UBQLN1: variants seen among roughly 807,000 people sequenced by gnomAD.
UBQLN1 encodes the protein ubiquilin-1.
A neutral mutation model predicts 65.4 loss-of-function variants in UBQLN1; 13 were observed. That is an observed-to-expected ratio of 0.20 (90% CI 0.13 to 0.32). The LOEUF (loss-of-function observed/expected upper bound fraction) is 0.32, where lower values mean the gene tolerates loss of function less well. Ranked by LOEUF, UBQLN1 falls within the 10% of genes least tolerant of loss-of-function variation. UBQLN1 has a pLI of 1.00. For synonymous variants in UBQLN1, 267 were observed against 247.8 expected, an observed-to-expected ratio of 1.08 and a Z score of -0.73; for missense variants, 561 against 724.0, an observed-to-expected ratio of 0.77 and a Z score of 2.58.
At chr9:83,666,602 CAGA>C in intron 7 of UBQLN1, 169 bp from the exon 8 acceptor site, 3 of 540,688 alleles carry the variant, frequency 5.5e-6, no homozygotes, top group Non-Finnish European at 9.6e-6. Context: ...GAGGGATCTC[CAGA>C]AGAACAAAAA....
intron 1 of UBQLN1, among the ~76,000 whole-genome samples, chr9:83,688,817 C>T (rs1206249484): frequency 2.0e-5 from 3 of 151,250 alleles, no homozygotes; most frequent in African/African-American, 7.3e-5. Context: ...GCCGAGATTG[C>T]ACCATTGCAC....
At chr9:83,689,281 G>A (rs1363195293) in intron 1 of UBQLN1, among the ~76,000 whole-genome samples, 1 of 152,196 alleles carries the variant, frequency 6.6e-6, no homozygotes, top group Non-Finnish European at 1.5e-5. Context: ...GTATGCCATT[G>A]TATGAATATA....
At position 83,669,343 on chromosome 9, in the gene UBQLN1, T is replaced by A. The variant is rs1587640044; in HGVS notation, c.1106-16A>T. ...AACATACTAGCTGAAAGTTTGTTTT[T>A]AAAAAAGACATATTAAGGAAAAATA... On this transcript the variant is annotated splice_polypyrimidine_tract_variant and intron_variant, in intron 6 of 10. Coordinates refer to ENST00000376395, the MANE Select transcript of UBQLN1 (RefSeq NM_013438.5). The A allele has an allele frequency of 2.5e-6, 4 of 1,573,210 alleles. No homozygotes were observed. Among genetic ancestry groups the A allele is most frequent in the Non-Finnish European group, 3.4e-6 (4 of 1,168,200 alleles).
In UBQLN1 at chr9:83,661,690, A is replaced by C; in HGVS notation, c.*97T>G. The C allele has an allele frequency of 7.4e-7, 1 of 1,357,038 alleles. No individual in the cohort carries two copies. Among genetic ancestry groups the C allele is most frequent in the Non-Finnish European group, 1.0e-6 (1 of 998,312 alleles). 84.1% of individuals were successfully genotyped at this position (1,357,038 alleles called of 1,614,324 possible). On this transcript the variant is annotated 3_prime_UTR_variant, in exon 11 of 11. Coordinates refer to ENST00000376395, the MANE Select transcript of UBQLN1 (RefSeq NM_013438.5). ...ATATTGGGTTTGTTTATAACAGCACAGAATTCCAAGAGTCAAAATGAAATA... is the reference window on the plus strand; with the variant it reads ...ATATTGGGTTTGTTTATAACAGCACCGAATTCCAAGAGTCAAAATGAAATA...
intron 1 of UBQLN1, among the ~76,000 whole-genome samples, chr9:83,689,166 T>G: frequency 6.6e-6 from 1 of 152,230 alleles, no homozygotes. Flanking sequence ...AATGCAATAT[T>G]ATAACATATG....
chr9:83,668,560 T>G (rs1831680012), intron 7 of UBQLN1: 2 of 985,500 alleles, frequency 2.0e-6, no homozygotes, highest in Non-Finnish European at 2.4e-6. Context: ...ATCGGTACTG[T>G]CTATAAAGCT....
At chr9:83,679,222 G>GA (rs1831898046) in intron 4 of UBQLN1, among the ~76,000 whole-genome samples, 1 of 152,128 alleles carries the variant, frequency 6.6e-6, no homozygotes, top group East Asian at 1.9e-4. Flanking sequence ...ACCCTATTAG[G>GA]AAAGTAACTT....
intron 1 of UBQLN1, among the ~76,000 whole-genome samples, chr9:83,701,922 C>A (rs780389959): frequency 1.3e-5 from 2 of 152,116 alleles, no homozygotes; most frequent in Non-Finnish European, 2.9e-5. Context: ...ATGTCCACCA[C>A]GTGATAGAAA....
chr9:83,691,350 C>T (rs1402200987), intron 1 of UBQLN1, among the ~76,000 whole-genome samples: 1 of 152,006 alleles, frequency 6.6e-6, no homozygotes, highest in Non-Finnish European at 1.5e-5. Flanking sequence ...CCATTAACAT[C>T]GTATGTGGCA....
rs746889796 is a variant in UBQLN1, at chr9:83,665,053, C to T, written c.1425G>A (p.Thr475=). The change falls in exon 9 of 11, where the codon ACG becomes ACA. Residue 475 remains threonine (T), a synonymous_variant. Transcript: ENST00000376395. ...QIQQGLQTLA[T]EAPGLIPGFT... is the part of the protein sequence containing the mutation. ...ACCCTGGGATGAGGCCCGGGGCTTC[C>T]GTTGCTAATGTCTGTAAACCCTGCT... 9.9e-6 allele frequency: 16 copies of T among 1,613,396 alleles called. 1 individual carries two copies. The highest frequency in any genetic ancestry group is 5.5e-5 in the South Asian group (5 of 90,980).
chr9:83,688,743 C>A (rs2131172879), intron 1 of UBQLN1, among the ~76,000 whole-genome samples: 1 of 152,080 alleles, frequency 6.6e-6, no homozygotes, highest in South Asian at 2.1e-4. Flanking sequence ...TGTCTGTAAT[C>A]CCAGCTACTC....
chr9:83,706,144 G>GACTTAGGCAAT (rs1832402257), intron 1 of UBQLN1, among the ~76,000 whole-genome samples: 1 of 152,066 alleles, frequency 6.6e-6, no homozygotes. Flanking sequence ...CGTAAAAAAT[G>GACTTAGGCAAT]AAGTTGAACT....
At chr9:83,677,384 G>A (rs1258692151) in intron 6 of UBQLN1, among the ~76,000 whole-genome samples, 1 of 152,194 alleles carries the variant, frequency 6.6e-6, no homozygotes, top group Non-Finnish European at 1.5e-5. Context: ...CCAAGATGGA[G>A]AAACCCTGTC....
At chr9:83,680,567 T>C (rs1295539442) in intron 3 of UBQLN1, among the ~76,000 whole-genome samples, 3 of 151,882 alleles carry the variant, frequency 2.0e-5, no homozygotes, top group Non-Finnish European at 4.4e-5. Context: ...AAACTCAAAA[T>C]GAAAAGCACA....
intron 8 of UBQLN1, 125 bp downstream of exon 8, chr9:83,666,225 G>A: frequency 1.2e-6 from 1 of 806,618 alleles, no homozygotes. Context: ...TCTACGAATT[G>A]ACAGCATTAT....
At chr9:83,675,003 T>C (rs1831807069) in intron 6 of UBQLN1, among the ~76,000 whole-genome samples, 1 of 152,228 alleles carries the variant, frequency 6.6e-6, no homozygotes, top group South Asian at 2.1e-4. Flanking sequence ...ACTATAGTTA[T>C]TGACTGTCTT....
At chr9:83,667,389 A>G in intron 7 of UBQLN1, 1 of 550,694 alleles carries the variant, frequency 1.8e-6, no homozygotes, top group Non-Finnish European at 2.3e-6. Context: ...CCTTGCCCTC[A>G]AGAAGTTAAC....
chr9:83,685,053 G>A (rs771616600), intron 2 of UBQLN1, among the ~76,000 whole-genome samples: 1 of 152,158 alleles, frequency 6.6e-6, no homozygotes, highest in Non-Finnish European at 1.5e-5. Context: ...TGTATCATAT[G>A]TAACGGGCTT....
chr9:83,675,519 C>A (rs1455290582), intron 6 of UBQLN1, among the ~76,000 whole-genome samples: 1 of 151,844 alleles, frequency 6.6e-6, no homozygotes, highest in African/African-American at 2.4e-5. Context: ...CACAAATTTG[C>A]AGATTTACTT....
Sources: allele counts gnomAD v4.1 joint callset (sites outside exome capture counted in the v4.1 genomes callset), GRCh38; gene constraint gnomAD v4.1.1; transcripts MANE v1.5; gene names NCBI Gene and HGNC (gene_info 2026-07-23, HGNC 2026-07-21).